Variants in PTPRT observed in about 807,000 individuals in gnomAD.
The protein encoded by PTPRT is protein tyrosine phosphatase receptor type T, also known as receptor-type tyrosine-protein phosphatase T.
Under a neutral mutation model 176.8 loss-of-function variants are expected in PTPRT, and 56 were observed. The observed-to-expected ratio is 0.32, with a 90% CI of 0.26 to 0.40. The LOEUF (loss-of-function observed/expected upper bound fraction) is 0.40, where lower values mean the gene tolerates loss of function less well. Among genes scored for constraint, PTPRT ranks in the 10% least tolerant of loss-of-function variants. The pLI is 1.00. For synonymous variants in PTPRT, 783 were observed against 739.0 expected (o/e 1.06, Z -0.96); for missense variants, 1,540 against 1,908.2 (o/e 0.81, Z 3.60).
chr20:42,226,467 C>T (rs1426772273), intron 15 of PTPRT, among the ~76,000 whole-genome samples: 1 of 152,202 alleles, frequency 6.6e-6, no homozygotes, highest in Non-Finnish European at 1.5e-5. Flanking sequence ...AGTGGGAAAG[C>T]ACTTTGGAAG....
At chr20:42,591,026 C>T (rs2073563285) in intron 7 of PTPRT, among the ~76,000 whole-genome samples, 1 of 147,984 alleles carries the variant, frequency 6.8e-6, no homozygotes, top group Non-Finnish European at 1.5e-5. Flanking sequence ...GTACTGCATG[C>T]TATATACACC....
chr20:43,189,165 G>T lies in PTPRT; in HGVS notation c.88+481C>A, dbSNP rs936969764. On this transcript the variant is annotated intron_variant, in intron 1 of 30. Transcript: ENST00000373187. This position sits in a 1 kb window ranked among gnomAD's most constrained non-coding sequence, Gnocchi z 5.0. ...ATGGAGAGCTTCCTGTATCTCCGAG[G>T]AAAAAAGAAAAGCCGCCGCCCCGGC... Among the ~76,000 whole-genome samples, 1 of 151,912 alleles carries T rather than the reference G, an allele frequency of 6.6e-6. No individual in the cohort carries two copies. The highest frequency in any genetic ancestry group is 2.4e-5 in the African/African-American group (1 of 41,392).
At chr20:42,363,837 C>A (rs897329044) in intron 9 of PTPRT, among the ~76,000 whole-genome samples, 5 of 152,086 alleles carry the variant, frequency 3.3e-5, no homozygotes, top group Non-Finnish European at 7.4e-5. Context: ...GGAACCCCGG[C>A]AGTATGAATC....
chr20:42,381,552 T>C (rs1021203271), intron 9 of PTPRT, among the ~76,000 whole-genome samples: 1 of 152,186 alleles, frequency 6.6e-6, no homozygotes, highest in Admixed American at 6.5e-5. Flanking sequence ...TGTTTGATGT[T>C]TAACTTTTGA....
intron 15 of PTPRT, among the ~76,000 whole-genome samples, chr20:42,206,435 C>G (rs1022034458): frequency 6.6e-6 from 1 of 152,164 alleles, no homozygotes; most frequent in Non-Finnish European, 1.5e-5. Context: ...GCACCATGCG[C>G]GAGCCGAAGC....
At chr20:42,836,946 G>A (rs1338254917) in intron 2 of PTPRT, among the ~76,000 whole-genome samples, 1 of 152,194 alleles carries the variant, frequency 6.6e-6, no homozygotes, top group Non-Finnish European at 1.5e-5. Context: ...AATGTGTCCA[G>A]TGTGGCTCAG....
In PTPRT at chr20:42,680,543, A is replaced by T. The variant is rs192398375; in HGVS notation, c.860-2384T>A. Among the ~76,000 whole-genome samples, 3 of 152,304 alleles carry T rather than the reference A, an allele frequency of 2.0e-5. No individual in the cohort carries two copies. The South Asian group carries it at 6.2e-4, about 32-fold the overall frequency. On this transcript the variant is annotated intron_variant, in intron 6 of 30. Coordinates refer to ENST00000373187, the MANE Select transcript of PTPRT (RefSeq NM_007050.6). ...TCTCCAGAGCTCCCATCAGTCTCCA[A>T]TGAGGCCCCAGGGGTGATATTTTGC...
intron 1 of PTPRT, among the ~76,000 whole-genome samples, chr20:42,952,061 T>C (rs762421535): frequency 5.9e-5 from 9 of 152,178 alleles, no homozygotes; most frequent in Non-Finnish European, 1.0e-4. Flanking sequence ...GGTTAAACAG[T>C]AGTCAGAAGG....
In PTPRT at chr20:42,914,245, G is replaced by T. The variant is rs377170893; in HGVS notation, c.89-28313C>A. 2.8e-4 allele frequency among the ~76,000 whole-genome samples: 43 copies of T among 152,266 alleles called. 2 individuals carry two copies. The South Asian group carries it at 8.9e-3, about 32-fold the overall frequency. The stretch of plus-strand genomic sequence containing the variant: ...AAATGACTAAGTATGAGGCAAAAGG[G>T]TGGTATCTTTTCCAGTTCCCACCCT... On this transcript the variant is annotated intron_variant, in intron 1 of 30. Transcript: ENST00000373187.
At chr20:42,783,796 G>A (rs756436481) in intron 3 of PTPRT, among the ~76,000 whole-genome samples, 15 of 152,292 alleles carry the variant, frequency 9.8e-5, no homozygotes, top group Middle Eastern at 3.4e-3. Flanking sequence ...GGAGAGCCAG[G>A]GGAGTGAGTA....
At chr20:42,822,070 A>T (rs762178034) in intron 2 of PTPRT, among the ~76,000 whole-genome samples, 34 of 152,150 alleles carry the variant, frequency 2.2e-4, no homozygotes, top group Non-Finnish European at 4.1e-4. Context: ...TTTAAATTTC[A>T]TATGGAATCA....
chr20:43,169,287 T>C (rs754916897), intron 1 of PTPRT, among the ~76,000 whole-genome samples: 1 of 152,192 alleles, frequency 6.6e-6, no homozygotes, highest in Non-Finnish European at 1.5e-5. Flanking sequence ...CATAAAATAA[T>C]CGGTTATCGT....
intron 1 of PTPRT, among the ~76,000 whole-genome samples, chr20:43,116,851 G>A (rs6030659): frequency 0.037 from 5,694 of 152,260 alleles, 359 homozygotes; most frequent in African/African-American, 0.13. Flanking sequence ...TGTGGTTGAA[G>A]CATGGCTGTA....
At position 42,481,756 on chromosome 20, in the gene PTPRT, G is replaced by T. The variant is rs118074001; in HGVS notation, c.1154-9194C>A. Among the ~76,000 whole-genome samples the T allele has an allele frequency of 7.9e-3, 1,168 of 147,920 alleles. 11 individuals are homozygous for T. The highest frequency in any genetic ancestry group is 0.014 in the Middle Eastern group (4 of 282). ...CAAGAGCAAGACCGTGTCTCTAAAA[G>T]AAAAAAACCATACACACACAAACAC... On this transcript the variant is annotated intron_variant, in intron 7 of 30. Transcript: ENST00000373187.
intron 1 of PTPRT, among the ~76,000 whole-genome samples, chr20:43,090,104 G>C (rs904246539): frequency 2.0e-5 from 3 of 152,072 alleles, no homozygotes. Context: ...CATTAATGCT[G>C]GTGGAGGCAA....
chr20:42,725,009 T>TTGTGTGTGTGTGTGTGTG (rs147376328), intron 6 of PTPRT, among the ~76,000 whole-genome samples: 29 of 133,958 alleles, frequency 2.2e-4, no homozygotes, highest in African/African-American at 7.4e-4. Context: ...TGGACATCTT[T>TTGTGTGTGTGTGTGTGTG]TGTGTGTGTG....
At chr20:43,042,531 C>G (rs1294612401) in intron 1 of PTPRT, among the ~76,000 whole-genome samples, 1 of 141,870 alleles carries the variant, frequency 7.0e-6, no homozygotes, top group Admixed American at 7.4e-5. Context: ...AGATCTCTGC[C>G]TCAGGAAGAG....
intron 1 of PTPRT, among the ~76,000 whole-genome samples, chr20:43,177,105 T>C (rs973777657): frequency 2.6e-5 from 4 of 152,216 alleles, no homozygotes; most frequent in African/African-American, 7.2e-5. Flanking sequence ...ATGACGCCAT[T>C]GGTGTCAGAA....
chr20:42,355,675 T>A (rs1323698933), intron 9 of PTPRT, among the ~76,000 whole-genome samples: 1 of 152,160 alleles, frequency 6.6e-6, no homozygotes, highest in African/African-American at 2.4e-5. Flanking sequence ...AGGGGAGATG[T>A]ACAGACAGTT....
Sources: allele counts gnomAD v4.1 joint callset (sites outside exome capture counted in the v4.1 genomes callset), GRCh38; gene constraint gnomAD v4.1.1; non-coding constraint Gnocchi (gnomAD v3.1); transcripts MANE v1.5; gene names NCBI Gene and HGNC (gene_info 2026-07-23, HGNC 2026-07-21).